Variants in DNAH17 observed in about 807,000 individuals in gnomAD.
The protein encoded by DNAH17 is axonemal beta dynein heavy chain 17.
DNAH17 carries 376 observed loss-of-function variants against 485.6 expected under a neutral mutation model. The ratio of observed to expected loss-of-function variants is 0.77; its 90% CI spans 0.71 to 0.84. The LOEUF is 0.84. Ranked by LOEUF, DNAH17 falls within the 40% of genes least tolerant of loss-of-function variation. The pLI, the probability that DNAH17 is intolerant of heterozygous loss-of-function variation, is 0.00. For missense variants in DNAH17, 6,370 were observed against 5,839.3 expected, an observed-to-expected ratio of 1.09 and a Z score of -2.96; for synonymous variants, 3,031 against 2,405.9, an observed-to-expected ratio of 1.26 and a Z score of -7.60.
intron 44 of DNAH17, 34 bp from the exon 45 acceptor site, chr17:78,486,540 G>C (rs544423228): frequency 1.3e-6 from 2 of 1,570,362 alleles, no homozygotes; most frequent in African/African-American, 2.7e-5. Context: ...TGACACAGCC[G>C]CTGCTCTGGG....
rs780666100 is a variant in DNAH17 at position 78,506,768 on chromosome 17, G to A, written c.4755C>T (p.Ser1585=). 2 of 1,613,990 alleles carry A rather than the reference G, an allele frequency of 1.2e-6. No individual in the cohort carries two copies. The highest frequency in any genetic ancestry group is 1.1e-5 in the South Asian group (1 of 91,088). ...RLAFPRFYFV[S]SADLLDILSN... ...AGAGAATGTCCAGGAGGTCAGCCGA[G>A]GAGACAAAATAGAACCGGGGGAAAG... The change falls in exon 30 of 81, where the codon TCC becomes TCT. Residue 1585 remains serine (S), a synonymous_variant. Transcript: ENST00000389840.
rs1451724278 is a variant in DNAH17 at position 78,433,924 on chromosome 17, G to GGAAGGAGGGAGA, written c.12225+104_12225+105insTCTCCCTCCTTC. On this transcript the variant is annotated intron_variant, in intron 75 of 80. Coordinates refer to ENST00000389840, the MANE Select transcript of DNAH17 (RefSeq NM_173628.4). ...AAAGACCAAAAGGAAAGGGAGGGAAGGAAGGAGGGAGGGAAGGAGGGAGGG... is the reference window on the plus strand; with the variant it reads ...AAAGACCAAAAGGAAAGGGAGGGAAGGAAGGAGGGAGAGAAGGAGGGAGGGAAGGAGGGAGGG... 829 of 765,858 alleles carry GGAAGGAGGGAGA rather than the reference G, an allele frequency of 1.1e-3. 12 individuals are homozygous for GGAAGGAGGGAGA. The African/African-American group carries it at 0.028, about 26-fold the overall frequency. 47.4% of individuals were successfully genotyped at this position (765,858 alleles called of 1,614,324 possible).
intron 71 of DNAH17, among the ~76,000 whole-genome samples, 164 bp from the exon 72 acceptor site, chr17:78,441,363 T>C (rs1033536458): frequency 1.3e-5 from 2 of 152,140 alleles, no homozygotes; most frequent in Non-Finnish European, 2.9e-5. Context: ...GGCTTTCCTT[T>C]CTGCGAGGGA....
At chr17:78,537,556 C>A in intron 18 of DNAH17, 75 bp from the exon 19 acceptor site, 1 of 1,481,926 alleles carries the variant, frequency 6.7e-7, no homozygotes, top group Non-Finnish European at 9.2e-7. Flanking sequence ...CCTGATCATC[C>A]ACTCCGTACC....
Position 78,525,083 on chromosome 17 carries a change from G to T in DNAH17, c.3790C>A (p.Pro1264Thr), listed in dbSNP as rs189791030. Residue 1264 changes from proline to threonine, a missense_variant, in exon 25 of 81, where the codon CCA (proline) becomes ACA (threonine). Transcript: ENST00000389840. ...KSGGLFEVPVPDYKQLKACHR... is the reference protein window; with the variant it reads ...KSGGLFEVPVTDYKQLKACHR... Reference sequence around the variant, plus strand: ...CAGGCCTTGAGCTGCTTGTAGTCTGGGACGGGGACCTCGAACAGGCCCCCG... The same window carrying T: ...CAGGCCTTGAGCTGCTTGTAGTCTGTGACGGGGACCTCGAACAGGCCCCCG... 3 of 1,613,836 alleles carry T rather than the reference G, an allele frequency of 1.9e-6. No individual in the cohort carries two copies. Among genetic ancestry groups the T allele is most frequent in the Non-Finnish European group, 2.5e-6 (3 of 1,179,884 alleles).
chr17:78,425,964 T>C (rs946962719), intron 79 of DNAH17, among the ~76,000 whole-genome samples: 2 of 152,074 alleles, frequency 1.3e-5, no homozygotes, highest in Admixed American at 6.6e-5. Context: ...GGTTTCGCCA[T>C]GTTGGCCAGG....
rs187471181 is a variant in DNAH17 at position 78,460,197 on chromosome 17, G to A, written c.9400C>T (p.Leu3134=). ...GTGTCCAGAGCCTCCTGGGCTGCCA[G>A]CAGGGCCGGTTCTGCTTTGGCCAGG... The part of the protein sequence containing the change: ...TDLAKAEPAL[L]AAQEALDTLN... The change falls in exon 59 of 81, where the codon CTG becomes TTG. Residue 3134 remains leucine (L), a synonymous_variant. Transcript: ENST00000389840. 4.8e-5 allele frequency: 78 copies of A among 1,609,304 alleles called. No individual in the cohort carries two copies. In the East Asian group the frequency reaches 1.7e-3, roughly 35 times the overall value.
At chr17:78,463,712 C>T (rs1381716554) in intron 56 of DNAH17, among the ~76,000 whole-genome samples, 1 of 152,238 alleles carries the variant, frequency 6.6e-6, no homozygotes, top group African/African-American at 2.4e-5. Flanking sequence ...AAGGCTGGGT[C>T]CTGGGATTTA....
In DNAH17 at chr17:78,425,424, C is replaced by G; in HGVS notation, c.13063G>C (p.Glu4355Gln). The G allele has an allele frequency of 6.2e-7, 1 of 1,613,972 alleles. No individual in the cohort carries two copies. The highest frequency in any genetic ancestry group is 8.5e-7 in the Non-Finnish European group (1 of 1,179,882). ...WPLDKMCLSV[E>Q]VTKKNREDMT... is the part of the protein sequence containing the mutation. ...TCCTCTCGGTTTTTCTTGGTCACCT[C>G]GACAGACAGACACATCTTGTCCAGG... The change falls in exon 80 of 81, where the codon GAG (glutamate) becomes CAG (glutamine). Residue 4355 changes from glutamate (E) to glutamine (Q), a missense_variant. Transcript: ENST00000389840.
At chr17:78,471,559 ACT>A (rs2088753645) in intron 54 of DNAH17, among the ~76,000 whole-genome samples, 2 of 151,880 alleles carry the variant, frequency 1.3e-5, no homozygotes, top group African/African-American at 4.8e-5. Flanking sequence ...ATAGGGCCTC[ACT>A]CTGTCGCCCA....
chr17:78,470,995 G>GTA (rs2088722872), intron 54 of DNAH17, among the ~76,000 whole-genome samples: 1 of 152,156 alleles, frequency 6.6e-6, no homozygotes, highest in Non-Finnish European at 1.5e-5. Flanking sequence ...CCATTTCCAT[G>GTA]TATATATATG....
rs2088983734 is a variant in DNAH17, at chr17:78,475,720, G to T, written c.8268C>A (p.Leu2756=). 5 of 1,613,836 alleles carry T rather than the reference G, an allele frequency of 3.1e-6. No homozygotes were observed. In the East Asian group the frequency reaches 1.1e-4, roughly 36 times the overall value. The change falls in exon 53 of 81, where the codon CTC becomes CTA. Residue 2756 remains leucine, a synonymous_variant. Coordinates refer to ENST00000389840, the MANE Select transcript of DNAH17 (RefSeq NM_173628.4). ...TGTAGCTGTCCAGGACGTCCACGAG[G>T]AGCTTGTTCAGAGGAGCCATGTCGG... is the stretch of plus-strand genomic sequence containing the variant. ...PVTDMAPLNK[L]LVDVLDSYNE... is the part of the protein sequence containing the mutation.
chr17:78,520,602 T>C (rs1255522312), intron 25 of DNAH17, among the ~76,000 whole-genome samples: 1 of 152,170 alleles, frequency 6.6e-6, no homozygotes, highest in Non-Finnish European at 1.5e-5. Context: ...AAATTTAAGA[T>C]GCAACGCCAC....
In DNAH17 at chr17:78,572,783, T is replaced by TC. The variant is rs1230123205; in HGVS notation, c.456dup (p.Ser153GlufsTer42). 6.2e-7 allele frequency: 1 copy of TC among 1,613,706 alleles called. No homozygotes were observed. Among genetic ancestry groups the TC allele is most frequent in the Admixed American group, 1.7e-5 (1 of 59,972 alleles). ...AAGGTTTTGCCTTTGATCTTGCCAC[T>TC]CATCACAAACATTTCATTCTTCAGC... is the stretch of plus-strand genomic sequence containing the variant. On this transcript the variant is annotated frameshift_variant, in exon 3 of 81. Transcript: ENST00000389840. LOFTEE classifies it high-confidence loss of function.
At position 78,448,343 on chromosome 17, in the gene DNAH17, T is replaced by A. The variant is rs569287603; in HGVS notation, c.11211+1071A>T. ...GCGAGACTTTGTCTCTACTAAAAAA[T>A]AAATAAATAAATAAAAAATTAAAAA... On this transcript the variant is annotated intron_variant, in intron 69 of 80. Coordinates refer to ENST00000389840, the MANE Select transcript of DNAH17 (RefSeq NM_173628.4). Among the ~76,000 whole-genome samples the A allele has an allele frequency of 9.9e-5, 15 of 151,126 alleles. No individual in the cohort carries two copies. In the East Asian group the frequency reaches 2.7e-3, roughly 27 times the overall value.
intron 54 of DNAH17, among the ~76,000 whole-genome samples, chr17:78,470,214 T>C (rs1240885169): frequency 6.6e-6 from 1 of 150,830 alleles, no homozygotes; most frequent in Non-Finnish European, 1.5e-5. Context: ...ATTACAGGCA[T>C]GTGCCACCAT....
chr17:78,480,475 C>T (rs2089301982), intron 49 of DNAH17, among the ~76,000 whole-genome samples: 1 of 152,190 alleles, frequency 6.6e-6, no homozygotes, highest in Non-Finnish European at 1.5e-5. Flanking sequence ...GCTAACTCTG[C>T]CAGTTGACCG....
rs923840857 is a variant in DNAH17, at chr17:78,455,572, C to T, written c.10170+72G>A. 10 of 1,234,604 alleles carry T rather than the reference C, an allele frequency of 8.1e-6. No individual in the cohort carries two copies. In the African/African-American group the frequency reaches 1.4e-4, roughly 17 times the overall value. 76.5% of individuals were successfully genotyped at this position (1,234,604 alleles called of 1,614,324 possible). A position where few individuals can be genotyped will look rare whatever the true frequency, so the allele number is the denominator to read the frequency against. On this transcript the variant is annotated intron_variant, in intron 63 of 80. Coordinates refer to ENST00000389840, the MANE Select transcript of DNAH17 (RefSeq NM_173628.4). Reference sequence around the variant, plus strand: ...GAACTCCTGGCCTCAAGTAATCCGCCCGCCTCGGCCTCCCAAAGTGCTGGC... The same window carrying T: ...GAACTCCTGGCCTCAAGTAATCCGCTCGCCTCGGCCTCCCAAAGTGCTGGC...
At chr17:78,424,320 T>G (rs1160963067) in intron 80 of DNAH17, 167 bp from the exon 81 acceptor site, 3 of 778,212 alleles carry the variant, frequency 3.9e-6, no homozygotes, top group Middle Eastern at 3.8e-4. Flanking sequence ...TCGTAGGTGA[T>G]GGCCTGCATG....
Sources: gnomAD v4.1 joint callset for allele counts (sites outside exome capture counted in the v4.1 genomes callset) on GRCh38, gnomAD v4.1.1 for gene constraint, MANE v1.5 for transcripts, NCBI Gene and HGNC (gene_info 2026-07-23, HGNC 2026-07-21) for gene names.